The following ADCY10 variants were observed in gnomAD, a reference collection of about 807,000 sequenced individuals.
The protein encoded by ADCY10 is adenylate cyclase 10.
A neutral mutation model predicts 183.3 loss-of-function variants in ADCY10; 156 were observed. That is an observed-to-expected ratio of 0.85 (90% CI 0.75 to 0.97). The LOEUF is 0.97. Among genes scored for constraint, ADCY10 ranks in the 50% least tolerant of loss-of-function variants. ADCY10 has a pLI of 0.00. For synonymous variants in ADCY10, 645 were observed against 670.0 expected, an observed-to-expected ratio of 0.96 and a Z score of 0.58; for missense variants, 1,745 against 1,934.3, an observed-to-expected ratio of 0.90 and a Z score of 1.84.
rs372838330 is a variant in ADCY10, at chr1:167,878,408, T to C, written c.1406+38A>G. On this transcript the variant is annotated intron_variant, in intron 12 of 32. Transcript: ENST00000367851. ...TGCTATCATAATTCTCCCGCTTCTT[T>C]ACTAAAATATACTTCAAAATTAATG... The C allele has an allele frequency of 3.7e-6, 6 of 1,600,580 alleles. No homozygotes were observed. The African/African-American group carries it at 8.0e-5, about 21-fold the overall frequency.
At chr1:167,880,229 A>G (rs779028292) in intron 10 of ADCY10, 38 bp from the exon 11 acceptor site, 1 of 1,556,264 alleles carries the variant, frequency 6.4e-7, no homozygotes, top group Non-Finnish European at 8.8e-7. Context: ...GGAAAGAAAT[A>G]AAGATAATGA....
chr1:167,879,997 T>C (rs892659085), intron 11 of ADCY10, 118 bp downstream of exon 11: 12 of 870,616 alleles, frequency 1.4e-5, no homozygotes, highest in Admixed American at 2.0e-5. Flanking sequence ...TGGAAGACTC[T>C]AAAGTTTCTG....
At chr1:167,885,454 A>T (rs906004859) in intron 8 of ADCY10, among the ~76,000 whole-genome samples, 7 of 152,098 alleles carry the variant, frequency 4.6e-5, no homozygotes, top group Admixed American at 4.6e-4. Context: ...AGCGTTTGTT[A>T]TTGCCTGTCT....
rs557271219 is a variant in ADCY10, at chr1:167,902,088, G to C, written c.254-34C>G. 19 of 1,593,184 alleles carry C rather than the reference G, an allele frequency of 1.2e-5. No homozygotes were observed. The South Asian group carries it at 2.1e-4, about 18-fold the overall frequency. Reference sequence around the variant, plus strand: ...AAAAAAAAAAATTAAATCAAACCCTGATTCCTTAAAGGTAGTAAAAAAACA... The same window carrying C: ...AAAAAAAAAAATTAAATCAAACCCTCATTCCTTAAAGGTAGTAAAAAAACA... On this transcript the variant is annotated intron_variant, in intron 3 of 32. Transcript: ENST00000367851.
intron 8 of ADCY10, among the ~76,000 whole-genome samples, chr1:167,891,779 C>T (rs1437102357): frequency 6.6e-6 from 1 of 151,974 alleles, no homozygotes; most frequent in East Asian, 1.9e-4. Context: ...ACTTTCTCCC[C>T]GAAATAGCAC....
At chr1:167,867,378 G>A (rs531545809) in intron 14 of ADCY10, among the ~76,000 whole-genome samples, 1 of 152,260 alleles carries the variant, frequency 6.6e-6, no homozygotes, top group Admixed American at 6.5e-5. Flanking sequence ...ATTTGGACTT[G>A]TACAGTAAGG....
Position 167,905,103 on chromosome 1 carries a change from A to G in ADCY10, c.38T>C (p.Ile13Thr), listed in dbSNP as rs1669722439. 1.2e-6 allele frequency: 2 copies of G among 1,614,082 alleles called. No homozygotes were observed. The highest frequency in any genetic ancestry group is 1.7e-5 in the Admixed American group (1 of 60,006). ...TPKEEFQDWP[I>T]VRIAAHLPDL... The stretch of plus-strand genomic sequence containing the variant: ...TGGTAAATGAGCTGCTATTCTGACT[A>G]TGGGCCAGTCCTGGAATTCTTCTTT... The change falls in exon 2 of 33, where the codon ATA (isoleucine) becomes ACA (threonine). Residue 13 changes from isoleucine (I) to threonine (T), a missense_variant. By Grantham distance (89) the Ile-to-Thr change is moderately conservative (BLOSUM62 -1). Transcript: ENST00000367851.
Position 167,893,885 on chromosome 1 carries a change from G to A in ADCY10, c.796C>T (p.Gln266Ter), listed in dbSNP as rs1668772414. 1 of 1,612,714 alleles carries A rather than the reference G, an allele frequency of 6.2e-7. No individual in the cohort carries two copies. Among genetic ancestry groups the A allele is most frequent in the Non-Finnish European group, 8.5e-7 (1 of 1,179,516 alleles). The change falls in exon 8 of 33, where the codon CAA becomes TAA. Residue 266 changes from glutamine to a stop codon, truncating the protein, a stop_gained. Coordinates refer to ENST00000367851, the MANE Select transcript of ADCY10 (RefSeq NM_018417.6). LOFTEE classifies it high-confidence loss of function. ...AAAATGCTTTCCATCACATACTTTT[G>A]TAGGGACATCTCCAGTTCAGGATCA... is the stretch of plus-strand genomic sequence containing the variant. ...KPDPELEMSL[Q>*]KYVMESILKQ... is the part of the protein sequence containing the mutation.
chr1:167,847,738 T>C (rs1009609564), intron 19 of ADCY10, among the ~76,000 whole-genome samples: 3 of 152,206 alleles, frequency 2.0e-5, no homozygotes, highest in African/African-American at 7.2e-5. Flanking sequence ...ATGTCTTTCA[T>C]ATAAACTCGT....
chr1:167,846,162 C>G lies in ADCY10; in HGVS notation c.2539G>C (p.Glu847Gln). The G allele has an allele frequency of 6.2e-7, 1 of 1,614,196 alleles. No homozygotes were observed. Among genetic ancestry groups the G allele is most frequent in the Non-Finnish European group, 8.5e-7 (1 of 1,180,040 alleles). Reference sequence around the variant, plus strand: ...TTCATATTCCAACAGGGGAGAATCTCAAACAACAACTCAGTGGTGAAGGTC... The same window carrying G: ...TTCATATTCCAACAGGGGAGAATCTGAAACAACAACTCAGTGGTGAAGGTC... ...GLTFTTELLF[E>Q]ILPCWNMKMM... is the part of the protein sequence containing the mutation. The change falls in exon 20 of 33, where the codon GAG becomes CAG. Residue 847 changes from glutamate to glutamine, a missense_variant. Physicochemically the swap from Glu to Gln is conservative, Grantham distance 29 (BLOSUM62 2). Transcript: ENST00000367851.
chr1:167,846,046 C>G lies in ADCY10; in HGVS notation c.2655G>C (p.Gln885His), dbSNP rs767093319. 1.9e-6 allele frequency: 3 copies of G among 1,614,208 alleles called. No individual in the cohort carries two copies. In the South Asian group the frequency reaches 3.3e-5, roughly 18 times the overall value. ...AGTGCACCTCAAATGAGGGATCATTCTGTTTCAGGGCCTTTTGAAGCTCCT... is the reference window on the plus strand; with the variant it reads ...AGTGCACCTCAAATGAGGGATCATTGTGTTTCAGGGCCTTTTGAAGCTCCT... ...NGKELQKALK[Q>H]NDPSFEVHYR... Residue 885 changes from glutamine to histidine, a missense_variant, in exon 20 of 33, where the codon CAG (glutamine) becomes CAC (histidine). Transcript: ENST00000367851.
chr1:167,837,495 G>C (rs888486614), intron 21 of ADCY10, among the ~76,000 whole-genome samples, 177 bp from the exon 22 acceptor site: 2 of 152,212 alleles, frequency 1.3e-5, no homozygotes, highest in Non-Finnish European at 2.9e-5. Context: ...TCTCACAATA[G>C]AATTAGATCA....
At position 167,845,739 on chromosome 1, in the gene ADCY10, T is replaced by C. The variant is rs1349525067; in HGVS notation, c.2831A>G (p.Asp944Gly). 3 of 1,614,114 alleles carry C rather than the reference T, an allele frequency of 1.9e-6. No homozygotes were observed. The highest frequency in any genetic ancestry group is 2.5e-6 in the Non-Finnish European group (3 of 1,180,052). Residue 944 changes from aspartate (D) to glycine (G), a missense_variant, in exon 21 of 33, where the codon GAC (aspartate) becomes GGC (glycine). Transcript: ENST00000367851. ...TTTCAAGTGCATGGCTTTTCTCTGG[T>C]CCTTGAGCCACAGCTCGTAGGCTGT... ...QKTAYELWLK[D>G]QRKAMHLKCA... is the part of the protein sequence containing the mutation.
rs1663988666 is a variant in ADCY10 at position 167,833,953 on chromosome 1, C to T, written c.3417+17G>A. ...AGATATATAACAGATAAATTCAAGT[C>T]TTTAATGGTTTCTTACCTCACCTTT... On this transcript the variant is annotated intron_variant, in intron 24 of 32. Coordinates refer to ENST00000367851, the MANE Select transcript of ADCY10 (RefSeq NM_018417.6). 1.9e-6 allele frequency: 3 copies of T among 1,595,846 alleles called. No individual in the cohort carries two copies. Among genetic ancestry groups the T allele is most frequent in the African/African-American group, 2.7e-5 (2 of 74,544 alleles).
intron 8 of ADCY10, among the ~76,000 whole-genome samples, chr1:167,890,958 T>G (rs61807000): frequency 0.25 from 37,135 of 151,450 alleles, 5,053 homozygotes; most frequent in Middle Eastern, 0.35. Flanking sequence ...TATTTATTTA[T>G]TTAGTTAGTT....
At chr1:167,830,966 C>G (rs1294145185) in intron 25 of ADCY10, among the ~76,000 whole-genome samples, 1 of 152,196 alleles carries the variant, frequency 6.6e-6, no homozygotes, top group African/African-American at 2.4e-5. Flanking sequence ...AGTTGTCCCA[C>G]CTTTCCAGAC....
chr1:167,872,316 C>T (rs1571361609), intron 13 of ADCY10, among the ~76,000 whole-genome samples: 2 of 150,012 alleles, frequency 1.3e-5, no homozygotes, highest in South Asian at 4.2e-4. Context: ...CCAGCCTGGG[C>T]AACAAGAGCA....
intron 24 of ADCY10, 25 bp downstream of exon 24, chr1:167,833,945 A>T (rs1466468588): frequency 6.4e-7 from 1 of 1,570,008 alleles, no homozygotes; most frequent in Non-Finnish European, 8.8e-7. Context: ...TAACAGATAA[A>T]TTCAAGTCTT....
At chr1:167,892,892 CTT>C (rs1172074185) in intron 8 of ADCY10, among the ~76,000 whole-genome samples, 1 of 152,164 alleles carries the variant, frequency 6.6e-6, no homozygotes, top group Non-Finnish European at 1.5e-5. Context: ...CTAGCTATAT[CTT>C]TTACTTGACA....
Sources: gnomAD v4.1 joint callset for allele counts (sites outside exome capture counted in the v4.1 genomes callset) on GRCh38, gnomAD v4.1.1 for gene constraint, MANE v1.5 for transcripts, NCBI Gene and HGNC (gene_info 2026-07-23, HGNC 2026-07-21) for gene names.